FKBP5: variants seen among roughly 807,000 people sequenced by gnomAD.
The protein encoded by FKBP5 is peptidyl-prolyl cis-trans isomerase FKBP5.
In FKBP5, 23 loss-of-function variants were observed where a neutral mutation model predicts 50.5. The ratio of observed to expected loss-of-function variants is 0.46; its 90% CI spans 0.33 to 0.65. The LOEUF (loss-of-function observed/expected upper bound fraction) is 0.65. Among genes scored for constraint, FKBP5 ranks in the 30% least tolerant of loss-of-function variants. FKBP5 has a pLI of 0.02. For missense variants in FKBP5, 411 were observed against 553.1 expected, an observed-to-expected ratio of 0.74 and a Z score of 2.58; for synonymous variants, 176 against 190.6, an observed-to-expected ratio of 0.92 and a Z score of 0.63.
intron 5 of FKBP5, among the ~76,000 whole-genome samples, chr6:35,613,404 TG>T (rs1763551112): frequency 6.6e-6 from 1 of 152,114 alleles, no homozygotes; most frequent in Non-Finnish European, 1.5e-5. Context: ...TTAGTAGAGA[TG>T]GGGTTTTGCC....
chr6:35,722,825 A>G (rs1766636150), intron 1 of FKBP5, among the ~76,000 whole-genome samples: 1 of 152,158 alleles, frequency 6.6e-6, no homozygotes, highest in African/African-American at 2.4e-5. Flanking sequence ...GCATTTTCCC[A>G]AGTAAACCAG....
rs1479165727 is a variant in FKBP5, at chr6:35,580,053, C to A, written c.1009G>T (p.Val337Phe). 1.2e-6 allele frequency: 2 copies of A among 1,613,838 alleles called. No homozygotes were observed. Among genetic ancestry groups the A allele is most frequent in the Non-Finnish European group, 1.7e-6 (2 of 1,179,772 alleles). ...YLKLREYTKA[V>F]ECCDKALGLD... is the part of the protein sequence containing the mutation. The stretch of plus-strand genomic sequence containing the variant: ...GATGTTACCTTGTCACAGCATTCAA[C>A]AGCTTTGGTGTATTCTCTAAGCTTC... Residue 337 changes from valine (V) to phenylalanine (F), a missense_variant, in exon 9 of 11, where the codon GTT becomes TTT. Coordinates refer to ENST00000357266, the MANE Select transcript of FKBP5 (RefSeq NM_004117.4).
intron 1 of FKBP5, among the ~76,000 whole-genome samples, chr6:35,656,040 C>T (rs1007431590): frequency 1.3e-4 from 20 of 152,152 alleles, no homozygotes; most frequent in African/African-American, 4.6e-4. Flanking sequence ...AGACTTGAGA[C>T]GCAGACAGAA....
At chr6:35,664,966 T>C (rs1170910356) in intron 1 of FKBP5, among the ~76,000 whole-genome samples, 1 of 152,214 alleles carries the variant, frequency 6.6e-6, no homozygotes, top group African/African-American at 2.4e-5. Flanking sequence ...AATATAATTT[T>C]TCTCCACTTA....
At chr6:35,594,569 C>T (rs777410322) in intron 6 of FKBP5, among the ~76,000 whole-genome samples, 2 of 152,042 alleles carry the variant, frequency 1.3e-5, no homozygotes, top group Non-Finnish European at 2.9e-5. Context: ...ACTGCCTGCA[C>T]TGAAAACATG....
chr6:35,613,179 C>T (rs934966616), intron 5 of FKBP5, among the ~76,000 whole-genome samples: 2 of 152,160 alleles, frequency 1.3e-5, no homozygotes, highest in African/African-American at 4.8e-5. Flanking sequence ...TTCTTGTTCA[C>T]TCTATAGCCG....
chr6:35,662,258 G>A (rs1051868256), intron 1 of FKBP5, among the ~76,000 whole-genome samples: 25 of 144,988 alleles, frequency 1.7e-4, no homozygotes, highest in Admixed American at 1.4e-3. Flanking sequence ...CAAAAACCAT[G>A]AGCATTTATT....
chr6:35,613,627 G>C (rs1763558909), intron 5 of FKBP5, among the ~76,000 whole-genome samples: 1 of 152,164 alleles, frequency 6.6e-6, no homozygotes, highest in African/African-American at 2.4e-5. Context: ...GGTGATCTTG[G>C]TTTTGAACAG....
At chr6:35,582,535 G>T in intron 8 of FKBP5, 1 of 501,446 alleles carries the variant, frequency 2.0e-6, no homozygotes, top group Non-Finnish European at 2.6e-6. Flanking sequence ...CAAGAAGGGA[G>T]CTACAAGGAA....
At position 35,574,546 on chromosome 6, in the gene FKBP5, AC is replaced by A. The variant is rs1762155804; in HGVS notation, c.*1288del. On this transcript the variant is annotated 3_prime_UTR_variant, in exon 11 of 11. Coordinates refer to ENST00000357266, the MANE Select transcript of FKBP5 (RefSeq NM_004117.4). ...AGCTCAAGTACTGGAGATTTAGGCT[AC>A]TGGCTGTGTACCGGCATGGGAAGCT... 1 of 152,270 alleles carries A rather than the reference AC, an allele frequency of 6.6e-6. No individual in the cohort carries two copies. The highest frequency in any genetic ancestry group is 2.1e-4 in the South Asian group (1 of 4,822). 9.4% of individuals were successfully genotyped at this position (152,270 alleles called of 1,614,324 possible).
intron 3 of FKBP5, among the ~76,000 whole-genome samples, chr6:35,629,797 ATTCC>A (rs1764099500): frequency 6.6e-6 from 1 of 152,242 alleles, no homozygotes; most frequent in South Asian, 2.1e-4. Flanking sequence ...AATTGGAAGC[ATTCC>A]TCCTCTATCG....
chr6:35,719,156 A>AT (rs1438926956), intron 2 of FKBP5, among the ~76,000 whole-genome samples: 5 of 152,106 alleles, frequency 3.3e-5, no homozygotes, highest in Non-Finnish European at 5.9e-5. Flanking sequence ...TGATACCTTC[A>AT]TTTTTTCCAG....
chr6:35,653,297 ACT>A (rs1377273287), intron 1 of FKBP5, among the ~76,000 whole-genome samples: 1 of 152,178 alleles, frequency 6.6e-6, no homozygotes, highest in Non-Finnish European at 1.5e-5. Flanking sequence ...TGGAGGCTGC[ACT>A]GAGCTTTGAT....
chr6:35,727,669 T>C lies in FKBP5; in HGVS notation c.-241+839A>G, dbSNP rs887831122. Among the ~76,000 whole-genome samples the C allele has an allele frequency of 3.9e-5, 6 of 152,306 alleles. No individual in the cohort carries two copies. In the East Asian group the frequency reaches 1.2e-3, roughly 29 times the overall value. On this transcript the variant is annotated intron_variant, in intron 1 of 11. Transcript: ENST00000536438. ...TTGGCCCCCTCAACACGGGCTTCCG[T>C]TGTCACGTGACTGCGTCCCAGGTCT...
At chr6:35,711,216 C>T (rs1766406363) in intron 2 of FKBP5, among the ~76,000 whole-genome samples, 2 of 151,100 alleles carry the variant, frequency 1.3e-5, no homozygotes, top group South Asian at 4.2e-4. Context: ...ACTTGGGAGG[C>T]TGAAGTGAGA....
intron 1 of FKBP5, among the ~76,000 whole-genome samples, chr6:35,673,250 A>G (rs1028585984): frequency 6.6e-6 from 1 of 152,182 alleles, no homozygotes; most frequent in Non-Finnish European, 1.5e-5. Context: ...TGTGGCATAT[A>G]TTAAAATCTA....
intron 1 of FKBP5, among the ~76,000 whole-genome samples, chr6:35,724,338 G>A (rs979081630): frequency 6.6e-6 from 1 of 152,136 alleles, no homozygotes; most frequent in South Asian, 2.1e-4. Flanking sequence ...CAGCCAGCAG[G>A]CCTGACTGTC....
At chr6:35,655,139 T>C (rs912830479) in intron 1 of FKBP5, among the ~76,000 whole-genome samples, 4 of 152,094 alleles carry the variant, frequency 2.6e-5, no homozygotes, top group Non-Finnish European at 5.9e-5. Context: ...CTGGCCAACA[T>C]AGTGAGACCC....
At chr6:35,589,846 TGAAGTA>T (rs1043351552) in intron 7 of FKBP5, among the ~76,000 whole-genome samples, 2 of 152,174 alleles carry the variant, frequency 1.3e-5, no homozygotes, top group Non-Finnish European at 2.9e-5. Context: ...TGGGGGAACA[TGAAGTA>T]GAAGAGGTAT....
Sources: gnomAD v4.1 joint callset for allele counts (sites outside exome capture counted in the v4.1 genomes callset) on GRCh38, gnomAD v4.1.1 for gene constraint, MANE v1.5 for transcripts, NCBI Gene and HGNC (gene_info 2026-07-23, HGNC 2026-07-21) for gene names.